Variants in CTNND2 observed in about 807,000 individuals in gnomAD.
CTNND2 encodes the protein catenin delta 2.
Under a neutral mutation model 144.4 loss-of-function variants are expected in CTNND2, and 22 were observed. That is an observed-to-expected ratio of 0.15 (90% CI 0.11 to 0.22). The LOEUF (loss-of-function observed/expected upper bound fraction) is 0.22, where lower values mean the gene tolerates loss of function less well. Among genes scored for constraint, CTNND2 ranks in the 10% least tolerant of loss-of-function variants. CTNND2 has a pLI of 1.00. For missense variants in CTNND2, 1,353 were observed against 1,618.8 expected (o/e 0.84, Z 2.82); for synonymous variants, 751 against 695.6 (o/e 1.08, Z -1.25).
chr5:11,829,256 G>T (rs1033296940), intron 1 of CTNND2, among the ~76,000 whole-genome samples: 2 of 152,232 alleles, frequency 1.3e-5, no homozygotes, highest in African/African-American at 4.8e-5. Context: ...GCTTCTGGCA[G>T]AAATTTATAT....
chr5:11,797,850 G>A (rs1282197124), intron 1 of CTNND2, among the ~76,000 whole-genome samples: 1 of 152,048 alleles, frequency 6.6e-6, no homozygotes, highest in Non-Finnish European at 1.5e-5. Context: ...AGTTTCCTTT[G>A]CCCCTCTGTA....
intron 18 of CTNND2, among the ~76,000 whole-genome samples, chr5:11,006,704 G>T (rs531292802): frequency 1.3e-5 from 2 of 152,190 alleles, no homozygotes; most frequent in Non-Finnish European, 2.9e-5. Context: ...TGTAAGAAAG[G>T]CACCATGAAT....
chr5:11,436,336 C>G (rs1168227320), intron 3 of CTNND2, among the ~76,000 whole-genome samples: 1 of 152,074 alleles, frequency 6.6e-6, no homozygotes, highest in Non-Finnish European at 1.5e-5. Flanking sequence ...AGATCTCCAA[C>G]CAGGCTATTT....
At chr5:11,362,903 T>G (rs1249228398) in intron 8 of CTNND2, among the ~76,000 whole-genome samples, 1 of 152,254 alleles carries the variant, frequency 6.6e-6, no homozygotes, top group African/African-American at 2.4e-5. Flanking sequence ...GGCACTCCAC[T>G]CTGCCCCTGC....
At chr5:11,215,666 A>T (rs61750756) in intron 10 of CTNND2, among the ~76,000 whole-genome samples, 2,302 of 152,316 alleles carry the variant, frequency 0.015, 51 homozygotes, top group Admixed American at 0.05. Flanking sequence ...AGGCTTTAAG[A>T]CACTAAAATG....
intron 3 of CTNND2, among the ~76,000 whole-genome samples, chr5:11,547,267 CAAAATAAA>C (rs1233461395): frequency 8.0e-6 from 1 of 125,142 alleles, no homozygotes; most frequent in Middle Eastern, 3.7e-3. Context: ...GATTCCATCT[CAAAATAAA>C]TAAATAAATA....
intron 2 of CTNND2, among the ~76,000 whole-genome samples, chr5:11,720,579 T>C (rs997009675): frequency 3.9e-5 from 6 of 152,198 alleles, no homozygotes; most frequent in African/African-American, 7.2e-5. Context: ...CCAAGCATCA[T>C]TGATTTTCCC....
intron 2 of CTNND2, among the ~76,000 whole-genome samples, chr5:11,652,272 C>A (rs1356026226): frequency 6.6e-6 from 1 of 152,148 alleles, no homozygotes; most frequent in East Asian, 1.9e-4. Context: ...CTCCTACGGC[C>A]ACGTAAGACA....
At chr5:11,471,854 A>G (rs2149956541) in intron 3 of CTNND2, among the ~76,000 whole-genome samples, 1 of 152,332 alleles carries the variant, frequency 6.6e-6, no homozygotes, top group East Asian at 1.9e-4. Flanking sequence ...TCCCAAAGTG[A>G]AGCCAAAAAG....
At chr5:11,140,302 C>T (rs1489003135) in intron 12 of CTNND2, among the ~76,000 whole-genome samples, 3 of 152,314 alleles carry the variant, frequency 2.0e-5, no homozygotes, top group Non-Finnish European at 4.4e-5. Flanking sequence ...GAAGTGTATT[C>T]ACAAGACTGT....
rs573157653 is a variant in CTNND2, at chr5:11,279,234, TAA to T, written c.1629-42413_1629-42412del. 7.2e-5 allele frequency among the ~76,000 whole-genome samples: 11 copies of T among 152,216 alleles called. No individual in the cohort carries two copies. In the South Asian group the frequency reaches 1.5e-3, roughly 20 times the overall value. ...AGACTGTGATGTCCATTCAAATACT[TAA>T]GAGACATTTGAAACCAAATATGACC... On this transcript the variant is annotated intron_variant, in intron 9 of 21. Transcript: ENST00000304623.
At chr5:11,766,572 T>A (rs59092093) in intron 1 of CTNND2, among the ~76,000 whole-genome samples, 1 of 152,116 alleles carries the variant, frequency 6.6e-6, no homozygotes, top group African/African-American at 2.4e-5. Context: ...CCCGGCCACA[T>A]AGAACTGTAA....
chr5:11,510,258 A>G (rs1428390313), intron 3 of CTNND2, among the ~76,000 whole-genome samples: 1 of 152,070 alleles, frequency 6.6e-6, no homozygotes, highest in Non-Finnish European at 1.5e-5. Context: ...TTTAAGCCCT[A>G]AATTTTACTC....
chr5:11,662,188 T>TATATATGTGTATATATAC (rs1561669013), intron 2 of CTNND2, among the ~76,000 whole-genome samples: 6 of 131,494 alleles, frequency 4.6e-5, no homozygotes, highest in Non-Finnish European at 1.0e-4. Context: ...CATATATGTG[T>TATATATGTGTATATATAC]ATATATGTGT....
intron 2 of CTNND2, among the ~76,000 whole-genome samples, chr5:11,632,533 T>C (rs975115365): frequency 1.3e-5 from 2 of 152,162 alleles, no homozygotes; most frequent in Non-Finnish European, 2.9e-5. Context: ...ATACATTATC[T>C]AAAATGTGCA....
intron 7 of CTNND2, among the ~76,000 whole-genome samples, chr5:11,379,631 C>T (rs934237306): frequency 6.6e-6 from 1 of 152,002 alleles, no homozygotes; most frequent in African/African-American, 2.4e-5. Context: ...GCTGACTAGC[C>T]TTTTTCTCAA....
chr5:11,438,756 G>C (rs922379937), intron 3 of CTNND2, among the ~76,000 whole-genome samples: 1 of 152,080 alleles, frequency 6.6e-6, no homozygotes, highest in African/African-American at 2.4e-5. Flanking sequence ...TCGGTATCTA[G>C]AAAAACATGA....
intron 9 of CTNND2, among the ~76,000 whole-genome samples, chr5:11,270,465 A>G (rs1193119620): frequency 7.6e-6 from 1 of 132,396 alleles, no homozygotes; most frequent in African/African-American, 2.7e-5. Flanking sequence ...AAGGAAAACA[A>G]TGTGGTAAAA....
chr5:11,428,602 T>C (rs1424855139), intron 3 of CTNND2, among the ~76,000 whole-genome samples: 1 of 152,234 alleles, frequency 6.6e-6, no homozygotes, highest in Non-Finnish European at 1.5e-5. Context: ...TTTTGTTGCA[T>C]TGGGAAGCTC....
Sources: gnomAD v4.1 joint callset for allele counts (sites outside exome capture counted in the v4.1 genomes callset) on GRCh38, gnomAD v4.1.1 for gene constraint, MANE v1.5 for transcripts, NCBI Gene and HGNC (gene_info 2026-07-23, HGNC 2026-07-21) for gene names.